Variants in BRAF observed in about 807,000 individuals in gnomAD.
The protein encoded by BRAF is serine/threonine-protein kinase B-raf.
BRAF carries 16 observed loss-of-function variants against 104.6 expected under a neutral mutation model. The ratio of observed to expected loss-of-function variants is 0.15; its 90% CI spans 0.10 to 0.23. BRAF has a LOEUF of 0.23. BRAF is among the 10% of genes least tolerant of loss of function. The pLI is 1.00. For synonymous variants in BRAF, 310 were observed against 341.6 expected, an observed-to-expected ratio of 0.91 and a Z score of 1.02; for missense variants, 541 against 937.3, an observed-to-expected ratio of 0.58 and a Z score of 5.52.
intron 14 of BRAF, among the ~76,000 whole-genome samples, chr7:140,766,389 T>C (rs1799321935): frequency 2.0e-5 from 3 of 152,012 alleles, no homozygotes; most frequent in Non-Finnish European, 4.4e-5. Flanking sequence ...TGTATACATA[T>C]GTTACTAACC....
At chr7:140,913,468 G>GTTTT (rs1817228923) in intron 1 of BRAF, among the ~76,000 whole-genome samples, 1 of 85,178 alleles carries the variant, frequency 1.2e-5, no homozygotes, top group African/African-American at 4.1e-5. Context: ...GTTAATCACA[G>GTTTT]CTTTTTTTTT....
chr7:140,834,911 G>T (rs757490618), intron 2 of BRAF, 39 bp from the exon 3 acceptor site: 1 of 1,609,494 alleles, frequency 6.2e-7, no homozygotes, highest in Non-Finnish European at 8.5e-7. Context: ...TCCGGACTTT[G>T]TCCTGACATT....
At chr7:140,743,516 T>A (rs1194332986) in intron 17 of BRAF, among the ~76,000 whole-genome samples, 1 of 151,964 alleles carries the variant, frequency 6.6e-6, no homozygotes, top group African/African-American at 2.4e-5. Flanking sequence ...AGGTGGGAAT[T>A]GAACAATGAG....
intron 2 of BRAF, among the ~76,000 whole-genome samples, chr7:140,843,958 G>A (rs908450177): frequency 6.6e-6 from 1 of 152,078 alleles, no homozygotes; most frequent in Admixed American, 6.5e-5. Context: ...GAAGTGAGCC[G>A]AGATCGCACC....
chr7:140,850,316 A>G, intron 1 of BRAF, 104 bp from the exon 2 acceptor site: 2 of 891,778 alleles, frequency 2.2e-6, no homozygotes, highest in Non-Finnish European at 3.5e-6. Context: ...GTGTTCCTCA[A>G]ATTTTGAGCT....
intron 17 of BRAF, among the ~76,000 whole-genome samples, chr7:140,743,239 C>T (rs1004647598): frequency 1.9e-4 from 29 of 151,396 alleles, no homozygotes; most frequent in African/African-American, 6.1e-4. Flanking sequence ...ACCCAAAGGA[C>T]TATAAATCAT....
At chr7:140,891,448 A>G (rs1586563468) in intron 1 of BRAF, among the ~76,000 whole-genome samples, 1 of 152,240 alleles carries the variant, frequency 6.6e-6, no homozygotes, top group Admixed American at 6.5e-5. Context: ...TGACTAATAT[A>G]ATGTAAATGT....
chr7:140,921,511 T>C (rs573362285), intron 1 of BRAF, among the ~76,000 whole-genome samples: 1 of 152,132 alleles, frequency 6.6e-6, no homozygotes, highest in East Asian at 1.9e-4. Flanking sequence ...AAAAACAACC[T>C]AACACCCCAA....
chr7:140,847,865 T>C (rs62484295), intron 2 of BRAF, among the ~76,000 whole-genome samples: 8,710 of 152,200 alleles, frequency 0.057, 297 homozygotes, highest in South Asian at 0.11. Flanking sequence ...ATTATTATAT[T>C]ATACTGCTGC....
chr7:140,896,309 T>TA (rs1814890470), intron 1 of BRAF, among the ~76,000 whole-genome samples: 1 of 152,002 alleles, frequency 6.6e-6, no homozygotes, highest in Non-Finnish European at 1.5e-5. Context: ...GAATATCCAG[T>TA]AAAAAAATAT....
intron 9 of BRAF, chr7:140,785,846 A>G (rs188312632): frequency 5.0e-6 from 2 of 398,776 alleles, no homozygotes; most frequent in African/African-American, 4.1e-5. Context: ...CAAACACAGG[A>G]AGACAGACAC....
intron 1 of BRAF, among the ~76,000 whole-genome samples, chr7:140,859,933 C>T (rs1339090401): frequency 2.6e-5 from 4 of 152,110 alleles, no homozygotes; most frequent in East Asian, 1.9e-4. Flanking sequence ...GTGATCCGTC[C>T]GCTTCAGCCT....
chr7:140,727,250 C>G (rs1563224708), intron 19 of BRAF, among the ~76,000 whole-genome samples: 1 of 149,318 alleles, frequency 6.7e-6, no homozygotes, highest in Non-Finnish European at 1.5e-5. Flanking sequence ...ATGGTGCAAT[C>G]TCGGTTCACT....
chr7:140,869,018 A>G (rs1811274579), intron 1 of BRAF, among the ~76,000 whole-genome samples: 1 of 152,222 alleles, frequency 6.6e-6, no homozygotes, highest in Admixed American at 6.5e-5. Flanking sequence ...TACAGTTTAT[A>G]ACCTAAGTCA....
intron 1 of BRAF, among the ~76,000 whole-genome samples, chr7:140,919,829 T>TG (rs201595578): frequency 5.8e-5 from 7 of 121,034 alleles, no homozygotes; most frequent in Admixed American, 2.5e-4. Flanking sequence ...CAAGTTTTTT[T>TG]GTTTTTTTTT....
intron 1 of BRAF, among the ~76,000 whole-genome samples, chr7:140,873,646 A>C (rs185988750): frequency 6.6e-6 from 1 of 152,296 alleles, no homozygotes; most frequent in East Asian, 1.9e-4. Context: ...GGCTTAATAC[A>C]CTTTCCACAC....
At chr7:140,915,584 G>A (rs1017391254) in intron 1 of BRAF, among the ~76,000 whole-genome samples, 1 of 151,536 alleles carries the variant, frequency 6.6e-6, no homozygotes, top group African/African-American at 2.4e-5. Flanking sequence ...ACAGACATGC[G>A]CCACCATGCC....
chr7:140,918,505 A>C (rs1324146045), intron 1 of BRAF, among the ~76,000 whole-genome samples: 1 of 152,140 alleles, frequency 6.6e-6, no homozygotes, highest in Admixed American at 6.5e-5. Flanking sequence ...ACTGGTAGAT[A>C]CGAGGCTGTG....
chr7:140,875,526 C>A (rs558197994), intron 1 of BRAF, among the ~76,000 whole-genome samples: 2 of 152,140 alleles, frequency 1.3e-5, no homozygotes, highest in African/African-American at 4.8e-5. Context: ...TAGGTGCCCG[C>A]GAACACGCCT....
Sources: gnomAD v4.1 joint callset for allele counts (sites outside exome capture counted in the v4.1 genomes callset) on GRCh38, gnomAD v4.1.1 for gene constraint, MANE v1.5 for transcripts, NCBI Gene and HGNC (gene_info 2026-07-23, HGNC 2026-07-21) for gene names.